RGS21: variants seen among roughly 807,000 people sequenced by gnomAD.
RGS21 encodes the protein regulator of G protein signaling 21, also known as regulator of G-protein signalling 21.
Under a neutral mutation model 18.7 loss-of-function variants are expected in RGS21, and 19 were observed. That is an observed-to-expected ratio of 1.01 (90% CI 0.71 to 1.49). RGS21 has a LOEUF of 1.49. Ranked by LOEUF, RGS21 falls within the 40% of genes most tolerant of loss-of-function variation. RGS21 has a pLI of 0.00. For missense variants in RGS21, 194 were observed against 176.8 expected (o/e 1.10, Z -0.55); for synonymous variants, 56 against 57.8 (o/e 0.97, Z 0.14).
In RGS21 at chr1:192,348,793, G is replaced by A. The variant is rs1361358359; in HGVS notation, c.88+1404G>A. On this transcript the variant is annotated intron_variant, in intron 3 of 4. Coordinates refer to ENST00000417209, the MANE Select transcript of RGS21 (RefSeq NM_001039152.3). ...TAATATTATTTGTATAAATCAAATGGCATTTTATTTTAAATTCATAAAGAA... is the reference window on the plus strand; with the variant it reads ...TAATATTATTTGTATAAATCAAATGACATTTTATTTTAAATTCATAAAGAA... 3.3e-5 allele frequency among the ~76,000 whole-genome samples: 5 copies of A among 151,712 alleles called. No individual in the cohort carries two copies. The East Asian group carries it at 9.6e-4, about 29-fold the overall frequency.
chr1:192,352,549 G>A (rs1208115380), intron 4 of RGS21, among the ~76,000 whole-genome samples: 1 of 152,126 alleles, frequency 6.6e-6, no homozygotes, highest in African/African-American at 2.4e-5. Context: ...AATTTCCAGT[G>A]TAGTTTCTTG....
rs778216228 is a variant in RGS21 at position 192,343,066 on chromosome 1, C to G, written c.11+19C>G. ...CAGTGAAGTGAGTTGCCGTTTCCAG[C>G]TATTTTTATCTCAGAAGATGTACAA... On this transcript the variant is annotated intron_variant, in intron 2 of 4. Transcript: ENST00000417209. The G allele has an allele frequency of 8.7e-6, 14 of 1,610,198 alleles. No homozygotes were observed. The South Asian group carries it at 1.5e-4, about 18-fold the overall frequency.
chr1:192,359,655 G>GTGTATATATATATATATATATATA (rs1553241170), intron 4 of RGS21, among the ~76,000 whole-genome samples: 7 of 124,276 alleles, frequency 5.6e-5, no homozygotes, highest in African/African-American at 2.1e-4. Flanking sequence ...GTGTGTGTGT[G>GTGTATATATATATATATATATATA]TATATATATA....
intron 1 of RGS21, among the ~76,000 whole-genome samples, chr1:192,339,185 T>C (rs1468947279): frequency 6.6e-6 from 1 of 151,986 alleles, no homozygotes; most frequent in Non-Finnish European, 1.5e-5. Flanking sequence ...TTTATGACAT[T>C]CTTACTTGGA....
intron 1 of RGS21, among the ~76,000 whole-genome samples, chr1:192,317,856 T>C (rs1390943328): frequency 6.6e-6 from 1 of 152,052 alleles, no homozygotes; most frequent in East Asian, 1.9e-4. Flanking sequence ...TATTAAGTTC[T>C]TTAAAATTAG....
At chr1:192,354,989 C>A (rs1005112118) in intron 4 of RGS21, among the ~76,000 whole-genome samples, 1 of 151,614 alleles carries the variant, frequency 6.6e-6, no homozygotes, top group African/African-American at 2.4e-5. Context: ...ATATATTGAA[C>A]TTTCAGGTCT....
At chr1:192,345,620 T>C (rs1557978686) in intron 2 of RGS21, among the ~76,000 whole-genome samples, 2 of 152,084 alleles carry the variant, frequency 1.3e-5, no homozygotes, top group Non-Finnish European at 2.9e-5. Context: ...TGAATTTGTC[T>C]AGATTTTATT....
intron 4 of RGS21, among the ~76,000 whole-genome samples, chr1:192,365,149 A>G (rs1659237156): frequency 6.6e-6 from 1 of 152,124 alleles, no homozygotes; most frequent in Non-Finnish European, 1.5e-5. Context: ...AAAAAAAAAA[A>G]AAGCTCTTTG....
chr1:192,364,693 TTTCCAAGGGACATTTAAA>T (rs1366536166), intron 4 of RGS21, among the ~76,000 whole-genome samples: 1 of 152,134 alleles, frequency 6.6e-6, no homozygotes, highest in African/African-American at 2.4e-5. Context: ...CTCCTGCATT[TTTCCAAGGGACATTTAAA>T]TTCCATTTAA....
intron 1 of RGS21, among the ~76,000 whole-genome samples, chr1:192,335,011 CTACA>C (rs1353275307): frequency 6.6e-6 from 1 of 152,008 alleles, no homozygotes; most frequent in Non-Finnish European, 1.5e-5. Flanking sequence ...ATATCTGGAC[CTACA>C]AATAACAGTA....
intron 2 of RGS21, among the ~76,000 whole-genome samples, chr1:192,346,574 T>C (rs1477403036): frequency 6.6e-6 from 1 of 152,108 alleles, no homozygotes; most frequent in African/African-American, 2.4e-5. Flanking sequence ...AGGAGTAATG[T>C]ATGATATATT....
At chr1:192,330,060 A>G (rs1571450522) in intron 1 of RGS21, among the ~76,000 whole-genome samples, 1 of 152,310 alleles carries the variant, frequency 6.6e-6, no homozygotes, top group Non-Finnish European at 1.5e-5. Context: ...ATTGTTATAT[A>G]TGAGGTAATA....
intron 3 of RGS21, among the ~76,000 whole-genome samples, chr1:192,347,946 G>A (rs1658978517): frequency 6.6e-6 from 1 of 151,860 alleles, no homozygotes; most frequent in South Asian, 2.1e-4. Flanking sequence ...ATTCAGGTGT[G>A]AGCCACTGTG....
At chr1:192,353,415 A>C (rs1464333325) in intron 4 of RGS21, among the ~76,000 whole-genome samples, 1 of 151,918 alleles carries the variant, frequency 6.6e-6, no homozygotes, top group Non-Finnish European at 1.5e-5. Context: ...GAATCAATAA[A>C]TAATTCTGGA....
chr1:192,362,559 T>C (rs960703134), intron 4 of RGS21, among the ~76,000 whole-genome samples: 1 of 152,148 alleles, frequency 6.6e-6, no homozygotes, highest in Admixed American at 6.6e-5. Flanking sequence ...TACACGAACA[T>C]GGAGGTGTGA....
chr1:192,326,889 A>G (rs1658575006), intron 1 of RGS21, among the ~76,000 whole-genome samples: 1 of 152,138 alleles, frequency 6.6e-6, no homozygotes, highest in East Asian at 1.9e-4. Context: ...CATAATTCTA[A>G]TATTATAGAT....
chr1:192,328,780 T>C (rs991650734), intron 1 of RGS21, among the ~76,000 whole-genome samples: 3 of 152,094 alleles, frequency 2.0e-5, no homozygotes, highest in African/African-American at 7.2e-5. Flanking sequence ...AGTAATACAA[T>C]AGTGGATAAG....
At chr1:192,365,078 G>C (rs1659235873) in intron 4 of RGS21, among the ~76,000 whole-genome samples, 1 of 151,616 alleles carries the variant, frequency 6.6e-6, no homozygotes, top group Non-Finnish European at 1.5e-5. Flanking sequence ...AAAGGTTGCA[G>C]TGAGCCTAGA....
chr1:192,360,879 A>AT (rs963534272), intron 4 of RGS21, among the ~76,000 whole-genome samples: 1 of 151,952 alleles, frequency 6.6e-6, no homozygotes, highest in Non-Finnish European at 1.5e-5. Context: ...TAGGGACGCA[A>AT]TTTTTTTCTT....
Sources: allele counts gnomAD v4.1 joint callset (sites outside exome capture counted in the v4.1 genomes callset), GRCh38; gene constraint gnomAD v4.1.1; transcripts MANE v1.5; gene names NCBI Gene and HGNC (gene_info 2026-07-23, HGNC 2026-07-21).